Variants in LRBA observed in about 807,000 individuals in gnomAD.
LRBA encodes the protein LPS responsive beige-like anchor protein, also known as lipopolysaccharide-responsive and beige-like anchor protein.
LRBA carries 176 observed loss-of-function variants against 330.0 expected under a neutral mutation model. The ratio of observed to expected loss-of-function variants is 0.53; its 90% CI spans 0.47 to 0.60. LRBA has a LOEUF of 0.60. LRBA is among the 20% of genes least tolerant of loss of function. The probability of loss-of-function intolerance (pLI) is 0.00; values close to 1 mark genes in which losing one functional copy is unlikely to be tolerated. For synonymous variants in LRBA, 1,230 were observed against 1,193.0 expected (o/e 1.03, Z -0.64); for missense variants, 3,259 against 3,444.8 (o/e 0.95, Z 1.35).
At chr4:150,825,033 G>A (rs1483066132) in intron 30 of LRBA, among the ~76,000 whole-genome samples, 2 of 150,120 alleles carry the variant, frequency 1.3e-5, no homozygotes, top group African/African-American at 2.5e-5. Flanking sequence ...CAAAATGCTG[G>A]AATTGCAGGT....
chr4:150,558,558 C>A (rs1474831554), intron 40 of LRBA, among the ~76,000 whole-genome samples: 1 of 152,130 alleles, frequency 6.6e-6, no homozygotes, highest in Non-Finnish European at 1.5e-5. Flanking sequence ...ATGCTCCAGG[C>A]TCATCTTGTG....
At chr4:150,457,707 T>TA (rs1754259294) in intron 44 of LRBA, among the ~76,000 whole-genome samples, 1 of 151,866 alleles carries the variant, frequency 6.6e-6, no homozygotes, top group Non-Finnish European at 1.5e-5. Flanking sequence ...TACTACTAAT[T>TA]AAACTTAAAA....
intron 47 of LRBA, among the ~76,000 whole-genome samples, chr4:150,389,763 CAGTCTTACTA>C (rs1297239358): frequency 2.0e-5 from 3 of 151,466 alleles, no homozygotes; most frequent in African/African-American, 7.3e-5. Flanking sequence ...TAGGCACCAG[CAGTCTTACTA>C]AATTTGTTAG....
chr4:150,961,174 A>C (rs529273912), intron 2 of LRBA, among the ~76,000 whole-genome samples: 55 of 149,376 alleles, frequency 3.7e-4, no homozygotes, highest in Admixed American at 3.3e-4. Flanking sequence ...CTCACCAACC[A>C]CTGCCTTGGT....
At chr4:150,346,757 C>CCAAAAAAAAAA (rs1206950764) in intron 48 of LRBA, among the ~76,000 whole-genome samples, 9 of 66,152 alleles carry the variant, frequency 1.4e-4, no homozygotes, top group African/African-American at 6.2e-4. Flanking sequence ...GACTCTGTCT[C>CCAAAAAAAAAA]AAAAAAAAAA....
chr4:150,899,241 T>C (rs745363770), intron 14 of LRBA, among the ~76,000 whole-genome samples: 13 of 152,296 alleles, frequency 8.5e-5, no homozygotes, highest in Non-Finnish European at 1.2e-4. Context: ...ATACATTATA[T>C]AGGCAGATGC....
chr4:150,618,706 T>A (rs1427947833), intron 37 of LRBA, among the ~76,000 whole-genome samples: 1 of 152,086 alleles, frequency 6.6e-6, no homozygotes, highest in South Asian at 2.1e-4. Flanking sequence ...TTAGTTTTAC[T>A]GCAAATATAT....
chr4:150,825,578 G>A (rs963675528), intron 30 of LRBA, among the ~76,000 whole-genome samples: 12 of 151,924 alleles, frequency 7.9e-5, no homozygotes, highest in South Asian at 4.2e-4. Context: ...CATGTTGGCC[G>A]GGCTGGTCTT....
chr4:150,599,987 A>G (rs1773952668), intron 37 of LRBA, among the ~76,000 whole-genome samples: 1 of 152,156 alleles, frequency 6.6e-6, no homozygotes, highest in Non-Finnish European at 1.5e-5. Flanking sequence ...TTTTAAAAAA[A>G]GGTTTGCTCA....
Position 150,870,573 on chromosome 4 carries a change from G to T in LRBA, c.2401C>A (p.His801Asn). ...GAATCAGGATCTGGATGCTGTTTAT[G>T]TATCACCTGAGTACCAATCTGTTCT... ...LIEQIGTQVI[H>N]KQHPDPDSSV... Residue 801 changes from histidine to asparagine, a missense_variant, in exon 20 of 57, where the codon CAT (histidine) becomes AAT (asparagine). Coordinates refer to ENST00000651943, the MANE Select transcript of LRBA (RefSeq NM_001364905.1). 6.3e-7 allele frequency: 1 copy of T among 1,589,690 alleles called. No homozygotes were observed. The highest frequency in any genetic ancestry group is 8.6e-7 in the Non-Finnish European group (1 of 1,158,556).
chr4:150,525,378 A>G (rs1027059687), intron 40 of LRBA, among the ~76,000 whole-genome samples: 3 of 151,540 alleles, frequency 2.0e-5, no homozygotes, highest in Non-Finnish European at 4.4e-5. Context: ...ATAACCATTT[A>G]TCAGGGACTC....
chr4:150,941,193 T>G (rs1735639514), intron 2 of LRBA, among the ~76,000 whole-genome samples: 1 of 152,138 alleles, frequency 6.6e-6, no homozygotes, highest in African/African-American at 2.4e-5. Context: ...AGTCTCACTC[T>G]GCTGCCCAGG....
intron 22 of LRBA, among the ~76,000 whole-genome samples, chr4:150,857,460 T>C (rs1030106302): frequency 1.3e-5 from 2 of 152,182 alleles, no homozygotes; most frequent in South Asian, 2.1e-4. Context: ...TTTGATCAAT[T>C]TTAATTTCTT....
intron 35 of LRBA, among the ~76,000 whole-genome samples, chr4:150,753,446 C>T (rs780407226): frequency 6.6e-6 from 1 of 152,030 alleles, no homozygotes; most frequent in Non-Finnish European, 1.5e-5. Context: ...TTCACCTATC[C>T]CTAATACACA....
chr4:150,868,062 T>G (rs535645564), intron 21 of LRBA, 120 bp downstream of exon 21: 1 of 1,107,826 alleles, frequency 9.0e-7, no homozygotes, highest in East Asian at 2.5e-5. Flanking sequence ...TACATACTCT[T>G]AATAAAAAAA....
intron 2 of LRBA, among the ~76,000 whole-genome samples, chr4:150,934,783 C>A (rs1734901971): frequency 1.3e-5 from 2 of 151,924 alleles, no homozygotes; most frequent in African/African-American, 2.4e-5. Flanking sequence ...CCGAGGCGGG[C>A]AAATTACCTG....
At chr4:150,426,014 T>C (rs1749550221) in intron 46 of LRBA, among the ~76,000 whole-genome samples, 1 of 152,042 alleles carries the variant, frequency 6.6e-6, no homozygotes, top group South Asian at 2.1e-4. Context: ...ATTAACAATA[T>C]ATTATAAAAA....
At chr4:150,636,463 T>C (rs1777922241) in intron 37 of LRBA, among the ~76,000 whole-genome samples, 1 of 152,202 alleles carries the variant, frequency 6.6e-6, no homozygotes, top group Non-Finnish European at 1.5e-5. Context: ...CTTCTTTACA[T>C]TCTAGCACAA....
At chr4:150,449,241 CCACTG>C (rs996575182) in intron 44 of LRBA, among the ~76,000 whole-genome samples, 1 of 152,054 alleles carries the variant, frequency 6.6e-6, no homozygotes, top group Non-Finnish European at 1.5e-5. Context: ...AGGCAAAGAT[CCACTG>C]CTTCTGGGGT....
Sources: allele counts gnomAD v4.1 joint callset (sites outside exome capture counted in the v4.1 genomes callset), GRCh38; gene constraint gnomAD v4.1.1; transcripts MANE v1.5; gene names NCBI Gene and HGNC (gene_info 2026-07-23, HGNC 2026-07-21).